Variants in NRXN3 observed in about 807,000 individuals in gnomAD.
The protein encoded by NRXN3 is neurexin 3, also known as neurexin III.
NRXN3 carries 32 observed loss-of-function variants against 137.6 expected under a neutral mutation model. The observed-to-expected ratio is 0.23, with a 90% CI of 0.18 to 0.31. NRXN3 has a LOEUF of 0.31. Among genes scored for constraint, NRXN3 ranks in the 10% least tolerant of loss-of-function variants. NRXN3 has a pLI of 1.00. For missense variants in NRXN3, 1,574 were observed against 2,062.5 expected, an observed-to-expected ratio of 0.76 and a Z score of 4.59; for synonymous variants, 798 against 784.5, an observed-to-expected ratio of 1.02 and a Z score of -0.29.
At chr14:79,161,508 T>C (rs970459240) in intron 15 of NRXN3, among the ~76,000 whole-genome samples, 5 of 151,962 alleles carry the variant, frequency 3.3e-5, no homozygotes, top group African/African-American at 4.8e-5. Context: ...ACAATGATTA[T>C]TTGCATTGAC....
intron 15 of NRXN3, among the ~76,000 whole-genome samples, chr14:79,048,039 T>C (rs1328985305): frequency 6.6e-6 from 1 of 152,138 alleles, no homozygotes; most frequent in African/African-American, 2.4e-5. Flanking sequence ...AGAGTATGGA[T>C]AAACAAAACA....
At chr14:78,222,380 C>T (rs142483573) in intron 1 of NRXN3, among the ~76,000 whole-genome samples, 85 of 152,244 alleles carry the variant, frequency 5.6e-4, no homozygotes, top group Middle Eastern at 3.4e-3. Context: ...CGTGGGCTCA[C>T]CCGAGGTAAA....
chr14:79,159,801 C>G (rs886400584), intron 15 of NRXN3, among the ~76,000 whole-genome samples: 2 of 151,826 alleles, frequency 1.3e-5, no homozygotes, highest in Non-Finnish European at 2.9e-5. Flanking sequence ...CTCTTACTCC[C>G]TCAAACTAGA....
At chr14:79,368,644 GTGT>G (rs2093984020) in intron 15 of NRXN3, among the ~76,000 whole-genome samples, 1 of 152,142 alleles carries the variant, frequency 6.6e-6, no homozygotes, top group East Asian at 1.9e-4. Context: ...CTTTTGAGCT[GTGT>G]TGTTGACCAT....
chr14:79,721,629 T>C (rs1159247943), intron 19 of NRXN3, among the ~76,000 whole-genome samples: 4 of 152,098 alleles, frequency 2.6e-5, no homozygotes, highest in African/African-American at 9.7e-5. Context: ...GTTGGCTAAG[T>C]GCCAACTCAG....
intron 4 of NRXN3, among the ~76,000 whole-genome samples, chr14:78,437,024 T>A (rs193012429): frequency 6.6e-6 from 1 of 152,330 alleles, no homozygotes; most frequent in African/African-American, 2.4e-5. Flanking sequence ...AAGTTGCTTA[T>A]CCTTTCTATG....
chr14:79,562,237 A>G (rs997789194), intron 16 of NRXN3, among the ~76,000 whole-genome samples: 1 of 152,312 alleles, frequency 6.6e-6, no homozygotes, highest in East Asian at 1.9e-4. Flanking sequence ...TTCTCATTCT[A>G]CTATTCTAAT....
At chr14:79,672,640 C>T (rs1438719889) in intron 17 of NRXN3, among the ~76,000 whole-genome samples, 1 of 151,998 alleles carries the variant, frequency 6.6e-6, no homozygotes, top group East Asian at 1.9e-4. Flanking sequence ...CCTATTGTCA[C>T]ATGGAAGCTC....
At chr14:79,702,859 T>TTCAGGATAGAAGGAAA (rs1396115398) in intron 19 of NRXN3, among the ~76,000 whole-genome samples, 1 of 117,036 alleles carries the variant, frequency 8.5e-6, no homozygotes, top group African/African-American at 3.2e-5. Context: ...TTGGTCTTCC[T>TTCAGGATAGAAGGAAA]TCAGGATAGA....
chr14:79,618,740 G>C (rs1483165219), intron 16 of NRXN3, among the ~76,000 whole-genome samples: 1 of 152,072 alleles, frequency 6.6e-6, no homozygotes, highest in South Asian at 2.1e-4. Flanking sequence ...GAGTTGAATG[G>C]TAATACCATT....
chr14:79,549,360 T>C (rs1345192111), intron 16 of NRXN3, among the ~76,000 whole-genome samples: 1 of 152,118 alleles, frequency 6.6e-6, no homozygotes, highest in Non-Finnish European at 1.5e-5. Flanking sequence ...GTTCCCTAGG[T>C]ACTATTTGCC....
intron 17 of NRXN3, among the ~76,000 whole-genome samples, chr14:79,674,000 T>C (rs1421058347): frequency 2.6e-5 from 4 of 152,066 alleles, no homozygotes; most frequent in Admixed American, 2.6e-4. Flanking sequence ...TGCCCTATCT[T>C]GAACCTACAA....
At chr14:79,503,223 C>T (rs186455218) in intron 16 of NRXN3, among the ~76,000 whole-genome samples, 11 of 151,976 alleles carry the variant, frequency 7.2e-5, no homozygotes, top group South Asian at 2.1e-4. Flanking sequence ...TATCTTGTTG[C>T]GGGATATACA....
chr14:78,835,586 T>G (rs215504), intron 10 of NRXN3, among the ~76,000 whole-genome samples: 151,789 of 152,204 alleles, frequency 1, 75,689 homozygotes, highest in East Asian at 1. Flanking sequence ...GATGAGAAAT[T>G]GTTATATTTC....
chr14:79,462,515 A>ATG (rs1338800594), intron 15 of NRXN3, among the ~76,000 whole-genome samples: 1 of 150,574 alleles, frequency 6.6e-6, no homozygotes, highest in Non-Finnish European at 1.5e-5. Context: ...ACACACATAT[A>ATG]TGTATATATA....
At chr14:79,190,542 G>C (rs2064149784) in intron 15 of NRXN3, among the ~76,000 whole-genome samples, 1 of 152,068 alleles carries the variant, frequency 6.6e-6, no homozygotes, top group Admixed American at 6.6e-5. Context: ...CTGGCATTTG[G>C]CTATGTTCAG....
intron 10 of NRXN3, among the ~76,000 whole-genome samples, chr14:78,872,449 T>C (rs2099103818): frequency 6.6e-6 from 1 of 151,616 alleles, no homozygotes; most frequent in Admixed American, 6.6e-5. Context: ...CTCTGCATTG[T>C]ATCTCTTTTT....
intron 6 of NRXN3, among the ~76,000 whole-genome samples, chr14:78,653,022 T>C (rs987096350): frequency 2.2e-4 from 34 of 152,214 alleles, no homozygotes; most frequent in African/African-American, 7.7e-4. Context: ...GCAGTCCTTG[T>C]TGTAATAAAT....
intron 1 of NRXN3, among the ~76,000 whole-genome samples, chr14:78,192,033 A>C (rs1187572012): frequency 6.6e-6 from 1 of 150,434 alleles, no homozygotes; most frequent in Non-Finnish European, 1.5e-5. Flanking sequence ...GAGAGATCTG[A>C]GCTATATCCC....
Sources: gnomAD v4.1 joint callset for allele counts (sites outside exome capture counted in the v4.1 genomes callset) on GRCh38, gnomAD v4.1.1 for gene constraint, MANE v1.5 for transcripts, NCBI Gene and HGNC (gene_info 2026-07-23, HGNC 2026-07-21) for gene names.